CAPSL: variants seen among roughly 807,000 people sequenced by gnomAD.
CAPSL encodes calcyphosin-like protein.
CAPSL carries 17 observed loss-of-function variants against 21.3 expected under a neutral mutation model. The ratio of observed to expected loss-of-function variants is 0.80; its 90% CI spans 0.55 to 1.20. CAPSL has a LOEUF of 1.20. CAPSL is among the 50% of genes most tolerant of loss of function. The pLI is 0.00. For synonymous variants in CAPSL, 102 were observed against 89.3 expected (o/e 1.14, Z -0.80); for missense variants, 289 against 259.3 (o/e 1.11, Z -0.79).
intron 2 of CAPSL, among the ~76,000 whole-genome samples, chr5:35,910,934 C>T (rs1199736241): frequency 6.6e-6 from 1 of 152,088 alleles, no homozygotes; most frequent in Non-Finnish European, 1.5e-5. Context: ...AGGTGTAAAC[C>T]TTAATGCATA....
intron 1 of CAPSL, among the ~76,000 whole-genome samples, chr5:35,934,995 G>A (rs1738908220): frequency 2.0e-5 from 3 of 152,044 alleles, no homozygotes; most frequent in Admixed American, 1.3e-4. Context: ...AAGTATTAAG[G>A]AACCTCACAG....
chr5:35,929,399 C>T (rs1580895814), intron 1 of CAPSL, among the ~76,000 whole-genome samples: 1 of 150,970 alleles, frequency 6.6e-6, no homozygotes, highest in African/African-American at 2.4e-5. Flanking sequence ...TTCAAGCAAT[C>T]CTCCTGCCTC....
chr5:35,917,522 A>G (rs1738423348), intron 2 of CAPSL, among the ~76,000 whole-genome samples: 2 of 152,180 alleles, frequency 1.3e-5, no homozygotes, highest in Admixed American at 1.3e-4. Context: ...TACACCATGG[A>G]ATACTATGCA....
chr5:35,910,016 C>A lies in CAPSL; in HGVS notation c.375G>T (p.Lys125Asn). The change falls in exon 4 of 5, where the codon AAG (lysine) becomes AAT (asparagine). Residue 125 changes from lysine (K) to asparagine (N), a missense_variant. Transcript: ENST00000651391. Reference protein sequence around the residue: ...VIMQAFRKLDKTGDGVITIED... With the variant: ...VIMQAFRKLDNTGDGVITIED... ...CGATTGTTATAACACCATCTCCAGTCTTGTCTAACTTTCTAAAAGCTTGCA... is the reference window on the plus strand; with the variant it reads ...CGATTGTTATAACACCATCTCCAGTATTGTCTAACTTTCTAAAAGCTTGCA... 3 of 1,613,460 alleles carry A rather than the reference C, an allele frequency of 1.9e-6. No individual in the cohort carries two copies. Among genetic ancestry groups the A allele is most frequent in the Non-Finnish European group, 2.5e-6 (3 of 1,179,828 alleles).
At chr5:35,912,505 G>T (rs1384739927) in intron 2 of CAPSL, among the ~76,000 whole-genome samples, 1 of 152,188 alleles carries the variant, frequency 6.6e-6, no homozygotes, top group East Asian at 1.9e-4. Context: ...ACTCCTCTGA[G>T]ACAAAACTTC....
At position 35,921,076 on chromosome 5, in the gene CAPSL, G is replaced by A; in HGVS notation, c.45C>T (p.Ala15=). The A allele has an allele frequency of 6.2e-7, 1 of 1,613,976 alleles. No individual in the cohort carries two copies. ...CGGTGGCCGTGGTGAGCTTTTTCTT[G>A]GCCTGGATCGCCATCTCTCGGTCAT... ...ARHDREMAIQ[A]KKKLTTATDP... is the part of the protein sequence containing the mutation. The change falls in exon 2 of 5, where the codon GCC becomes GCT. Residue 15 remains alanine (A), a synonymous_variant. Coordinates refer to ENST00000651391, the MANE Select transcript of CAPSL (RefSeq NM_001042625.2).
chr5:35,910,118 A>G, intron 3 of CAPSL, 43 bp from the exon 4 acceptor site: 1 of 1,509,152 alleles, frequency 6.6e-7, no homozygotes, highest in Non-Finnish European at 8.9e-7. Context: ...ACATAAGCAA[A>G]TGAGCTTTTT....
intron 1 of CAPSL, among the ~76,000 whole-genome samples, chr5:35,926,983 G>A (rs1738701513): frequency 2.0e-5 from 3 of 152,334 alleles, no homozygotes; most frequent in Admixed American, 6.5e-5. Flanking sequence ...GTTAGCCTGC[G>A]TTAAAGTGGA....
intron 2 of CAPSL, among the ~76,000 whole-genome samples, chr5:35,917,705 G>A (rs1203055076): frequency 3.9e-5 from 6 of 152,036 alleles, no homozygotes; most frequent in Non-Finnish European, 8.8e-5. Context: ...ATCACACACC[G>A]GTGCCTGTTG....
chr5:35,919,160 T>TA (rs34779853), intron 2 of CAPSL, among the ~76,000 whole-genome samples: 1,449 of 129,164 alleles, frequency 0.011, 34 homozygotes, highest in African/African-American at 0.039. Flanking sequence ...CTTTCCTGAT[T>TA]AAAAAAAAAA....
At chr5:35,904,932 G>C (rs537965957) in intron 4 of CAPSL, among the ~76,000 whole-genome samples, 8 of 152,146 alleles carry the variant, frequency 5.3e-5, no homozygotes, top group Non-Finnish European at 2.9e-5. Flanking sequence ...CGTCGGTTCA[G>C]GTAAGGGAGA....
At chr5:35,925,029 G>C (rs1231404535) in intron 1 of CAPSL, among the ~76,000 whole-genome samples, 6 of 152,246 alleles carry the variant, frequency 3.9e-5, no homozygotes, top group Admixed American at 6.5e-5. Flanking sequence ...ACAACGGAGC[G>C]CATCCCTGTG....
intron 2 of CAPSL, among the ~76,000 whole-genome samples, chr5:35,911,915 C>G (rs1023506672): frequency 6.6e-6 from 1 of 152,146 alleles, no homozygotes; most frequent in Non-Finnish European, 1.5e-5. Context: ...GGCAAGGCAT[C>G]GCCTCACCCA....
chr5:35,913,155 A>C (rs1307897697), intron 2 of CAPSL, among the ~76,000 whole-genome samples: 1 of 152,224 alleles, frequency 6.6e-6, no homozygotes, highest in Non-Finnish European at 1.5e-5. Context: ...AGAAGTTTAG[A>C]GATAAAAGAA....
chr5:35,909,595 G>C (rs1041307503), intron 4 of CAPSL, among the ~76,000 whole-genome samples: 2 of 152,102 alleles, frequency 1.3e-5, no homozygotes, highest in Non-Finnish European at 2.9e-5. Context: ...CCAGATGACA[G>C]GTCATCACTT....
At chr5:35,929,939 T>G (rs1164819361) in intron 1 of CAPSL, among the ~76,000 whole-genome samples, 1 of 152,220 alleles carries the variant, frequency 6.6e-6, no homozygotes, top group Admixed American at 6.5e-5. Context: ...TTTTTCTGTT[T>G]GTTTTAATTA....
chr5:35,905,233 C>A (rs1229287809), intron 4 of CAPSL, among the ~76,000 whole-genome samples: 1 of 152,194 alleles, frequency 6.6e-6, no homozygotes, highest in Non-Finnish European at 1.5e-5. Flanking sequence ...ACACCCATGA[C>A]CATCTCTTTG....
At chr5:35,909,514 G>A (rs1738149207) in intron 4 of CAPSL, among the ~76,000 whole-genome samples, 1 of 152,148 alleles carries the variant, frequency 6.6e-6, no homozygotes, top group African/African-American at 2.4e-5. Context: ...CAGTTCACTG[G>A]AGTGCAACTA....
chr5:35,908,513 G>T (rs1738097742), intron 4 of CAPSL, among the ~76,000 whole-genome samples: 1 of 152,178 alleles, frequency 6.6e-6, no homozygotes, highest in Non-Finnish European at 1.5e-5. Flanking sequence ...GGGTAGCTGA[G>T]GTTTCCCCTG....
Sources: allele counts gnomAD v4.1 joint callset (sites outside exome capture counted in the v4.1 genomes callset), GRCh38; gene constraint gnomAD v4.1.1; transcripts MANE v1.5; gene names NCBI Gene and HGNC (gene_info 2026-07-23, HGNC 2026-07-21).